PROS1: variants seen among roughly 807,000 people sequenced by gnomAD.
PROS1 encodes vitamin K-dependent protein S.
Under a neutral mutation model 75.9 loss-of-function variants are expected in PROS1, and 29 were observed. That is an observed-to-expected ratio of 0.38 (90% CI 0.28 to 0.52). PROS1 has a LOEUF of 0.52. PROS1 is among the 20% of genes least tolerant of loss of function. The probability of loss-of-function intolerance (pLI) is 0.83; values close to 1 mark genes in which losing one functional copy is unlikely to be tolerated. For missense variants in PROS1, 680 were observed against 810.3 expected (o/e 0.84, Z 1.95); for synonymous variants, 245 against 280.6 (o/e 0.87, Z 1.27).
At chr3:93,913,956 A>T (rs1708800258) in intron 3 of PROS1, among the ~76,000 whole-genome samples, 1 of 152,244 alleles carries the variant, frequency 6.6e-6, no homozygotes, top group Admixed American at 6.5e-5. Context: ...TCCAAAACCC[A>T]TTAAGAAAAA....
intron 9 of PROS1, among the ~76,000 whole-genome samples, chr3:93,894,187 G>T (rs988439990): frequency 3.7e-4 from 57 of 152,226 alleles, no homozygotes; most frequent in African/African-American, 1.4e-3. Flanking sequence ...TAGTAAAATA[G>T]TAATAGTAAT....
chr3:93,927,885 G>GTA (rs71915979), intron 1 of PROS1, among the ~76,000 whole-genome samples: 1,378 of 130,334 alleles, frequency 0.011, 25 homozygotes, highest in African/African-American at 0.034. Flanking sequence ...GTGTGTATGT[G>GTA]TATATATATA....
At chr3:93,954,844 A>T (rs1559950602) in intron 1 of PROS1, among the ~76,000 whole-genome samples, 2 of 152,254 alleles carry the variant, frequency 1.3e-5, no homozygotes, top group African/African-American at 2.4e-5. Flanking sequence ...AAGGGCTAAT[A>T]TCCAGAATCT....
intron 1 of PROS1, among the ~76,000 whole-genome samples, chr3:93,949,867 G>C (rs919461031): frequency 6.6e-6 from 1 of 152,192 alleles, no homozygotes; most frequent in African/African-American, 2.4e-5. Context: ...CAGAGTGTGA[G>C]CCAAAGCAGG....
intron 12 of PROS1, among the ~76,000 whole-genome samples, chr3:93,882,605 T>C (rs1450355216): frequency 1.3e-5 from 2 of 152,104 alleles, no homozygotes; most frequent in Admixed American, 1.3e-4. Context: ...GCCATGCAAT[T>C]TGGTAAAAAT....
At chr3:93,961,741 C>A (rs1054601752) in intron 1 of PROS1, among the ~76,000 whole-genome samples, 24 of 152,214 alleles carry the variant, frequency 1.6e-4, no homozygotes, top group Non-Finnish European at 2.6e-4. Flanking sequence ...GGTAATATTG[C>A]TGCTTTCATT....
At chr3:93,939,575 C>G (rs1437435184) in intron 1 of PROS1, among the ~76,000 whole-genome samples, 1 of 152,148 alleles carries the variant, frequency 6.6e-6, no homozygotes, top group Non-Finnish European at 1.5e-5. Context: ...TAGCCCTCCC[C>G]CACCTGCCCA....
At chr3:93,945,926 A>G (rs1425852620) in intron 1 of PROS1, among the ~76,000 whole-genome samples, 1 of 152,192 alleles carries the variant, frequency 6.6e-6, no homozygotes, top group Non-Finnish European at 1.5e-5. Context: ...TCTCAGCCCA[A>G]AATCTCCTTA....
At chr3:93,941,587 G>C (rs187597593) in intron 1 of PROS1, among the ~76,000 whole-genome samples, 31 of 152,266 alleles carry the variant, frequency 2.0e-4, no homozygotes. Flanking sequence ...GTTCCTTGAA[G>C]ACAGCTTTAG....
At chr3:93,885,760 A>C (rs1283393762) in intron 11 of PROS1, among the ~76,000 whole-genome samples, 2 of 152,240 alleles carry the variant, frequency 1.3e-5, no homozygotes, top group African/African-American at 2.4e-5. Flanking sequence ...AACATGGGTT[A>C]ATTAATTCAA....
At chr3:93,959,056 T>C (rs1252292735) in intron 1 of PROS1, among the ~76,000 whole-genome samples, 2 of 152,158 alleles carry the variant, frequency 1.3e-5, no homozygotes, top group Non-Finnish European at 2.9e-5. Flanking sequence ...AAATGCCACT[T>C]TTACTGGGTG....
At chr3:93,965,295 G>C (rs1050351778) in intron 1 of PROS1, among the ~76,000 whole-genome samples, 1 of 152,190 alleles carries the variant, frequency 6.6e-6, no homozygotes, top group Admixed American at 6.5e-5. Flanking sequence ...GTTTGCCGCC[G>C]TCGCAGACCC....
chr3:93,964,682 T>G (rs946449181), intron 1 of PROS1, among the ~76,000 whole-genome samples: 1 of 152,214 alleles, frequency 6.6e-6, no homozygotes, highest in African/African-American at 2.4e-5. Context: ...TTGAAGCATG[T>G]GATCTTTGTG....
At chr3:93,937,726 G>T (rs1460222603) in intron 1 of PROS1, among the ~76,000 whole-genome samples, 1 of 152,100 alleles carries the variant, frequency 6.6e-6, no homozygotes, top group Non-Finnish European at 1.5e-5. Flanking sequence ...TTTTGGGCCT[G>T]GCGCTGGGCT....
At chr3:93,911,185 TATA>T (rs1708753825) in intron 3 of PROS1, 1 of 164,826 alleles carries the variant, frequency 6.1e-6, no homozygotes, top group African/African-American at 2.4e-5. Flanking sequence ...GTAATATTTG[TATA>T]ATGCTTCTAT....
At chr3:93,914,143 C>T (rs1411985182) in intron 3 of PROS1, among the ~76,000 whole-genome samples, 1 of 152,208 alleles carries the variant, frequency 6.6e-6, no homozygotes. Flanking sequence ...GCAGCTCTCC[C>T]AGACAGAAGT....
intron 11 of PROS1, among the ~76,000 whole-genome samples, chr3:93,885,513 ACCACG>A (rs1708333375): frequency 6.6e-6 from 1 of 152,184 alleles, no homozygotes; most frequent in South Asian, 2.1e-4. Context: ...GGTGTGAACC[ACCACG>A]CCTGGCCTTG....
intron 1 of PROS1, among the ~76,000 whole-genome samples, chr3:93,960,957 G>T (rs1245648266): frequency 6.6e-6 from 1 of 150,748 alleles, no homozygotes; most frequent in South Asian, 2.1e-4. Flanking sequence ...AACAAAGGCG[G>T]TTTTTTAAAT....
At chr3:93,960,863 T>C (rs5013930) in intron 1 of PROS1, among the ~76,000 whole-genome samples, 121,280 of 151,168 alleles carry the variant, frequency 0.8, 48,815 homozygotes, top group Non-Finnish European at 0.84. Flanking sequence ...CTAATAAAAG[T>C]AAAAACACAT....
Sources: allele counts gnomAD v4.1 joint callset (sites outside exome capture counted in the v4.1 genomes callset), GRCh38; gene constraint gnomAD v4.1.1; transcripts MANE v1.5; gene names NCBI Gene and HGNC (gene_info 2026-07-23, HGNC 2026-07-21).